Variants in PTPRT observed in about 807,000 individuals in gnomAD.
The protein encoded by PTPRT is receptor-type tyrosine-protein phosphatase T.
PTPRT carries 56 observed loss-of-function variants against 176.8 expected under a neutral mutation model. The observed-to-expected ratio is 0.32, with a 90% CI of 0.26 to 0.40. The LOEUF (loss-of-function observed/expected upper bound fraction) is 0.40, where lower values mean the gene tolerates loss of function less well. Ranked by LOEUF, PTPRT falls within the 10% of genes least tolerant of loss-of-function variation. The probability of loss-of-function intolerance (pLI) is 1.00; values close to 1 mark genes in which losing one functional copy is unlikely to be tolerated. For missense variants in PTPRT, 1,540 were observed against 1,908.2 expected (o/e 0.81, Z 3.60); for synonymous variants, 783 against 739.0 (o/e 1.06, Z -0.96).
At chr20:42,801,019 C>G (rs548804034) in intron 2 of PTPRT, among the ~76,000 whole-genome samples, 1 of 152,050 alleles carries the variant, frequency 6.6e-6, no homozygotes, top group Admixed American at 6.5e-5. Context: ...CTCTTTTTTT[C>G]TTCCTGGGGA....
At chr20:42,692,872 A>G (rs1274351167) in intron 6 of PTPRT, among the ~76,000 whole-genome samples, 1 of 152,214 alleles carries the variant, frequency 6.6e-6, no homozygotes. Flanking sequence ...CAATGGTAAT[A>G]GACATCATAA....
chr20:42,276,200 C>T (rs996445548), intron 13 of PTPRT, among the ~76,000 whole-genome samples: 1 of 151,832 alleles, frequency 6.6e-6, no homozygotes, highest in Middle Eastern at 3.2e-3. Flanking sequence ...CTATACATGT[C>T]CATAAAAGAA....
intron 1 of PTPRT, among the ~76,000 whole-genome samples, chr20:43,164,634 G>C (rs1421754467): frequency 6.6e-6 from 1 of 152,222 alleles, no homozygotes; most frequent in African/African-American, 2.4e-5. Flanking sequence ...CTTTTCTGTA[G>C]AGGGCTAAAT....
intron 9 of PTPRT, among the ~76,000 whole-genome samples, chr20:42,399,992 T>C (rs996870836): frequency 2.0e-5 from 3 of 152,222 alleles, no homozygotes; most frequent in Non-Finnish European, 2.9e-5. Context: ...TGAGTCCAGA[T>C]GTTCATTCCA....
intron 18 of PTPRT, among the ~76,000 whole-genome samples, chr20:42,130,195 G>T (rs1321331112): frequency 6.6e-6 from 1 of 152,230 alleles, no homozygotes; most frequent in Non-Finnish European, 1.5e-5. Flanking sequence ...CTACTGAGAA[G>T]TGGTTGCCTG....
chr20:43,091,698 A>C (rs190652949), intron 1 of PTPRT, among the ~76,000 whole-genome samples: 270 of 152,290 alleles, frequency 1.8e-3, no homozygotes, highest in African/African-American at 6.3e-3. Context: ...CAAGAATAAA[A>C]GAAGGTTGGG....
chr20:42,551,783 C>T (rs887092870), intron 7 of PTPRT, among the ~76,000 whole-genome samples: 2 of 152,144 alleles, frequency 1.3e-5, no homozygotes, highest in African/African-American at 4.8e-5. Context: ...CCTAGGTTTT[C>T]CCAGATAAAC....
chr20:42,552,500 C>G (rs1475881846), intron 7 of PTPRT, among the ~76,000 whole-genome samples: 1 of 152,042 alleles, frequency 6.6e-6, no homozygotes, highest in Non-Finnish European at 1.5e-5. Context: ...AGCACAAAAG[C>G]AAACAAAAAT....
intron 2 of PTPRT, among the ~76,000 whole-genome samples, chr20:42,841,389 G>T (rs6130236): frequency 3.9e-5 from 6 of 152,072 alleles, no homozygotes; most frequent in Admixed American, 3.9e-4. Flanking sequence ...ACAACACTCA[G>T]GACAAACACA....
At chr20:42,336,472 A>C (rs1448459269) in intron 11 of PTPRT, among the ~76,000 whole-genome samples, 1 of 152,112 alleles carries the variant, frequency 6.6e-6, no homozygotes, top group Admixed American at 6.6e-5. Flanking sequence ...TGGTTGGGCT[A>C]TTTGATTTTC....
chr20:42,388,026 G>A (rs948450583), intron 9 of PTPRT, among the ~76,000 whole-genome samples: 7 of 151,966 alleles, frequency 4.6e-5, no homozygotes, highest in African/African-American at 1.4e-4. Context: ...TCCTGACCTC[G>A]TGATCCCCCA....
At chr20:42,476,803 A>T (rs1203594348) in intron 7 of PTPRT, among the ~76,000 whole-genome samples, 1 of 152,092 alleles carries the variant, frequency 6.6e-6, no homozygotes, top group Non-Finnish European at 1.5e-5. Context: ...AAACAACTCG[A>T]CGGTATAGGA....
intron 9 of PTPRT, among the ~76,000 whole-genome samples, chr20:42,369,585 C>T (rs981376826): frequency 6.6e-6 from 1 of 152,112 alleles, no homozygotes; most frequent in South Asian, 2.1e-4. Flanking sequence ...AGCTCAAAGG[C>T]CCAGAGATAG....
At chr20:42,607,885 T>C (rs2073907130) in intron 7 of PTPRT, among the ~76,000 whole-genome samples, 1 of 152,108 alleles carries the variant, frequency 6.6e-6, no homozygotes, top group Non-Finnish European at 1.5e-5. Flanking sequence ...GCCTTACCCT[T>C]ATCCCAGGTG....
In PTPRT at chr20:42,368,277, C is replaced by A. The variant is rs957095478; in HGVS notation, c.1561-15992G>T. Among the ~76,000 whole-genome samples the A allele has an allele frequency of 3.9e-5, 6 of 152,298 alleles. No homozygotes were observed. In the South Asian group the frequency reaches 1.0e-3, roughly 26 times the overall value. On this transcript the variant is annotated intron_variant, in intron 9 of 30. Coordinates refer to ENST00000373187, the MANE Select transcript of PTPRT (RefSeq NM_007050.6). ...ATTGAGGAGGCATCTGAGAAGATGA[C>A]CACTGCGTACCCAGCATGGCCATCC...
chr20:42,933,402 A>G (rs190942807), intron 1 of PTPRT, among the ~76,000 whole-genome samples: 1 of 152,168 alleles, frequency 6.6e-6, no homozygotes, highest in Admixed American at 6.5e-5. Flanking sequence ...ATATATTTAC[A>G]TGTTTGTGGG....
At chr20:43,093,966 C>A (rs1036224004) in intron 1 of PTPRT, among the ~76,000 whole-genome samples, 3 of 152,138 alleles carry the variant, frequency 2.0e-5, no homozygotes, top group Non-Finnish European at 1.5e-5. Context: ...TTCAGGGAAA[C>A]CCTCCCCAAA....
At chr20:42,965,811 T>G (rs1982260007) in intron 1 of PTPRT, among the ~76,000 whole-genome samples, 1 of 152,230 alleles carries the variant, frequency 6.6e-6, no homozygotes, top group African/African-American at 2.4e-5. Flanking sequence ...CCATTTAATT[T>G]TCTTTGGGGA....
the PTPRT span, among the ~76,000 whole-genome samples, chr20:42,055,521 G>T: frequency 6.6e-6 from 1 of 152,208 alleles, no homozygotes; most frequent in Non-Finnish European, 1.5e-5. Context: ...AAACAAAAAA[G>T]ATTTGAATGC....
Sources: gnomAD v4.1 joint callset for allele counts (sites outside exome capture counted in the v4.1 genomes callset) on GRCh38, gnomAD v4.1.1 for gene constraint, MANE v1.5 for transcripts, NCBI Gene and HGNC (gene_info 2026-07-23, HGNC 2026-07-21) for gene names.